PER2: variants seen among roughly 807,000 people sequenced by gnomAD.
PER2 encodes period circadian regulator 2.
PER2 carries 66 observed loss-of-function variants against 121.0 expected under a neutral mutation model. That is an observed-to-expected ratio of 0.55 (90% confidence interval 0.45 to 0.67). The LOEUF (loss-of-function observed/expected upper bound fraction) is 0.67. Among genes scored for constraint, PER2 ranks in the 30% least tolerant of loss-of-function variants. PER2 has a pLI of 0.00. For synonymous variants in PER2, 684 were observed against 659.9 expected, an observed-to-expected ratio of 1.04 and a Z score of -0.56; for missense variants, 1,521 against 1,635.0, an observed-to-expected ratio of 0.93 and a Z score of 1.20.
At position 238,252,439 on chromosome 2, in the gene PER2, TCA is replaced by T. The variant is rs1695630838; in HGVS notation, c.3111+471_3111+472del. Among the ~76,000 whole-genome samples the T allele has an allele frequency of 1.3e-5, 2 of 152,216 alleles. No individual in the cohort carries two copies. The highest frequency in any genetic ancestry group is 4.8e-5 in the African/African-American group (2 of 41,460). ...CCGTTTCATTAACTGGTTAAGAATC[TCA>T]CACAGTGTCCCTACGCCTGCGGAGG... On this transcript the variant is annotated intron_variant, in intron 19 of 22. Coordinates refer to ENST00000254657, the MANE Select transcript of PER2 (RefSeq NM_022817.3). This position sits in a 1 kb window ranked among gnomAD's most constrained non-coding sequence, Gnocchi z 4.2.
At position 238,262,902 on chromosome 2, in the gene PER2, C is replaced by A. The variant is rs200607870; in HGVS notation, c.1153+50G>T. ...GTCCCAAGAAGCAGCCCCAAGGACA[C>A]AGGAACTTCCGCCAAACACTTCAGG... On this transcript the variant is annotated intron_variant, in intron 10 of 22. Transcript: ENST00000254657. 1.2e-5 allele frequency: 15 copies of A among 1,288,766 alleles called. No individual in the cohort carries two copies. The East Asian group carries it at 3.2e-4, about 28-fold the overall frequency. The allele number at this position is 1,288,766 out of a possible 1,614,324, so 79.8% of individuals were successfully genotyped here. A position where few individuals can be genotyped will look rare whatever the true frequency, so the allele number is the denominator to read the frequency against.
Position 238,256,837 on chromosome 2 carries a change from A to G in PER2, c.2065+85T>C, listed in dbSNP as rs545689940. ...TCGGGCTATGGTGGAGTTCTTCTGC[A>G]CTTAGAAAAATTTAAGATGGCAAAC... is the stretch of plus-strand genomic sequence containing the variant. On this transcript the variant is annotated intron_variant, in intron 17 of 22. Transcript: ENST00000254657. 1.5e-5 allele frequency: 21 copies of G among 1,381,236 alleles called. No individual in the cohort carries two copies. In the African/African-American group the frequency reaches 2.9e-4, roughly 19 times the overall value. 85.6% of individuals were successfully genotyped at this position (1,381,236 alleles called of 1,614,324 possible).
intron 20 of PER2, 53 bp downstream of exon 20, chr2:238,251,546 T>G: frequency 6.5e-7 from 1 of 1,534,202 alleles, no homozygotes. Flanking sequence ...TCTGGAGCAG[T>G]GCATCCTGCA....
At chr2:238,249,265 A>G in intron 21 of PER2, 53 bp from the exon 22 acceptor site, 3 of 1,530,038 alleles carry the variant, frequency 2.0e-6, no homozygotes, top group South Asian at 1.1e-5. Flanking sequence ...AAGGGTATCT[A>G]TTTTTATTCT....
At position 238,253,214 on chromosome 2, in the gene PER2, G is replaced by C. The variant is rs1203799379; in HGVS notation, c.2809C>G (p.Leu937Val). ...GAGGCAGAGGCCATCTCGGATGTGA[G>C]TGTGGGGTGGCTCGGAAACTGAGGC... Reference protein sequence around the residue: ...SQPQFPSHPTLTSEMASASQP... With the variant: ...SQPQFPSHPTVTSEMASASQP... Residue 937 changes from leucine (L) to valine (V), a missense_variant, in exon 19 of 23, where the codon CTC becomes GTC. Transcript: ENST00000254657. This position sits in a 1 kb window ranked among gnomAD's most constrained non-coding sequence, Gnocchi z 5.6. 6.3e-7 allele frequency: 1 copy of C among 1,598,404 alleles called. No individual in the cohort carries two copies. The highest frequency in any genetic ancestry group is 8.5e-7 in the Non-Finnish European group (1 of 1,170,378).
Position 238,250,726 on chromosome 2 carries a change from G to T in PER2, c.3292C>A (p.His1098Asn). The T allele has an allele frequency of 3.1e-6, 5 of 1,613,408 alleles. No homozygotes were observed. In the South Asian group the frequency reaches 3.3e-5, roughly 11 times the overall value. Residue 1098 changes from histidine to asparagine, a missense_variant, in exon 21 of 23, where the codon CAT becomes AAT. Physicochemically the swap from His to Asn is moderately conservative, Grantham distance 68. Coordinates refer to ENST00000254657, the MANE Select transcript of PER2 (RefSeq NM_022817.3). ...PSGAGSSDTS[H>N]TSKYFGSIDS... ...ATGCTTCCAAAATATTTGCTGGTAT[G>T]ACTTGTGTCACTACTGCCTTTAAAA...
intron 16 of PER2, among the ~76,000 whole-genome samples, chr2:238,257,943 T>C (rs1362096927): frequency 6.6e-6 from 1 of 152,252 alleles, no homozygotes; most frequent in Non-Finnish European, 1.5e-5. Context: ...GAGACCAGTG[T>C]GGCTGCATGA....
chr2:238,245,705 C>T lies in PER2; in HGVS notation c.*670G>A. 2.5e-6 allele frequency: 1 copy of T among 398,624 alleles called. No individual in the cohort carries two copies. The allele number at this position is 398,624 out of a possible 1,614,324, so 24.7% of individuals were successfully genotyped here. A position where few individuals can be genotyped will look rare whatever the true frequency, so the allele number is the denominator to read the frequency against. On this transcript the variant is annotated 3_prime_UTR_variant, in exon 23 of 23. Coordinates refer to ENST00000254657, the MANE Select transcript of PER2 (RefSeq NM_022817.3). ...CATCCGATGGAGTTGGCCACACAAA[C>T]CACTAGGCTTCTTTAGTCCAGAGCA...
At chr2:238,295,239 C>G in the PER2 span, among the ~76,000 whole-genome samples, 1 of 151,290 alleles carries the variant, frequency 6.6e-6, no homozygotes, top group Non-Finnish European at 1.5e-5. Flanking sequence ...CTTCTTCTTT[C>G]TTGTTCTTCT....
At chr2:238,261,012 G>A (rs2106376483) in intron 12 of PER2, 59 bp from the exon 13 acceptor site, 8 of 1,585,082 alleles carry the variant, frequency 5.0e-6, no homozygotes, top group East Asian at 2.2e-5. Flanking sequence ...TATGCATGTG[G>A]CCCCCTGCCA....
At chr2:238,280,358 G>T (rs929898007) in intron 1 of PER2, among the ~76,000 whole-genome samples, 1 of 152,198 alleles carries the variant, frequency 6.6e-6, no homozygotes, top group Admixed American at 6.5e-5. Flanking sequence ...ACTAGACCTC[G>T]CCTTGTTCAC....
intron 19 of PER2, among the ~76,000 whole-genome samples, chr2:238,251,982 A>G (rs763366269): frequency 5.9e-5 from 9 of 152,138 alleles, no homozygotes; most frequent in Non-Finnish European, 1.0e-4. Context: ...GTCTAGTTAC[A>G]TTTAATTTTC....
chr2:238,263,163 C>T (rs1225952662), intron 9 of PER2, 105 bp from the exon 10 acceptor site: 5 of 729,952 alleles, frequency 6.8e-6, no homozygotes, highest in African/African-American at 3.7e-5. Context: ...ACTCCAAACC[C>T]CACCCCCTCC....
At chr2:238,247,905 G>A (rs1695490970) in intron 22 of PER2, among the ~76,000 whole-genome samples, 1 of 152,246 alleles carries the variant, frequency 6.6e-6, no homozygotes, top group Non-Finnish European at 1.5e-5. Flanking sequence ...AGTGAGTGCA[G>A]CTTCGAGGCC....
At chr2:238,274,289 G>A (rs1002418898) in intron 4 of PER2, among the ~76,000 whole-genome samples, 3 of 152,234 alleles carry the variant, frequency 2.0e-5, no homozygotes, top group Non-Finnish European at 4.4e-5. Context: ...CCAGCTCGAG[G>A]CTGCCACTTG....
chr2:238,253,934 C>T lies in PER2; in HGVS notation c.2321-232G>A, dbSNP rs1421012389. Among the ~76,000 whole-genome samples, 1 of 152,160 alleles carries T rather than the reference C, an allele frequency of 6.6e-6. No homozygotes were observed. Among genetic ancestry groups the T allele is most frequent in the African/African-American group, 2.4e-5 (1 of 41,434 alleles). On this transcript the variant is annotated intron_variant, in intron 18 of 22. Transcript: ENST00000254657. The surrounding 1 kb of genome is among the most constrained non-coding windows in gnomAD (Gnocchi z 5.6). ...CAAGCTCTTAATTGCAGGACACATT[C>T]CTTATTTTCTTCTGGTATTAAATGT...
chr2:238,246,373 G>GGTTA lies in PER2; in HGVS notation c.3766_*1dup, dbSNP rs760672398. On this transcript the variant is annotated 3_prime_UTR_variant, in exon 23 of 23. Transcript: ENST00000254657. ...GGCTGCCGGGCTGAGGTGGGGCAGG[G>GGTTA]GTTACGTCTGCTCTTCGATCCTGTG... 6.2e-7 allele frequency: 1 copy of GGTTA among 1,603,298 alleles called. No homozygotes were observed. The highest frequency in any genetic ancestry group is 1.7e-5 in the Admixed American group (1 of 58,836).
At chr2:238,276,693 T>C (rs1012589759) in intron 3 of PER2, among the ~76,000 whole-genome samples, 1 of 152,140 alleles carries the variant, frequency 6.6e-6, no homozygotes, top group African/African-American at 2.4e-5. Context: ...TGGGCCTGTG[T>C]GGAACAGAGG....
intron 14 of PER2, 44 bp from the exon 15 acceptor site, chr2:238,258,688 C>G (rs780107837): frequency 6.3e-7 from 1 of 1,594,220 alleles, no homozygotes; most frequent in Non-Finnish European, 8.6e-7. Flanking sequence ...TTTTCTCCCA[C>G]AGAAAACGCT....
Sources: allele counts gnomAD v4.1 joint callset (sites outside exome capture counted in the v4.1 genomes callset), GRCh38; gene constraint gnomAD v4.1.1; non-coding constraint Gnocchi (gnomAD v3.1); transcripts MANE v1.5; gene names NCBI Gene and HGNC (gene_info 2026-07-23, HGNC 2026-07-21).